The following FREM3 variants were observed in gnomAD, a reference collection of about 807,000 sequenced individuals.
The protein encoded by FREM3 is FRAS1-related extracellular matrix protein 3.
In FREM3, 105 loss-of-function variants were observed where a neutral mutation model predicts 129.1. That is an observed-to-expected ratio of 0.81 (90% CI 0.69 to 0.96). The LOEUF (loss-of-function observed/expected upper bound fraction) is 0.96, where lower values mean the gene tolerates loss of function less well. Ranked by LOEUF, FREM3 falls within the 40% of genes least tolerant of loss-of-function variation. The pLI is 0.00. For synonymous variants in FREM3, 1,014 were observed against 1,044.9 expected (o/e 0.97, Z 0.57); for missense variants, 2,593 against 2,666.3 (o/e 0.97, Z 0.61).
At chr4:143,654,823 T>TA (rs5862645) in intron 2 of FREM3, among the ~76,000 whole-genome samples, 81,275 of 152,040 alleles carry the variant, frequency 0.53, 22,864 homozygotes, top group East Asian at 0.71. Flanking sequence ...CAATGACTCT[T>TA]AAACTGTATT....
intron 3 of FREM3, among the ~76,000 whole-genome samples, chr4:143,625,134 A>G (rs1016690724): frequency 2.0e-5 from 3 of 152,202 alleles, no homozygotes; most frequent in East Asian, 3.9e-4. Flanking sequence ...GTGAGATACA[A>G]TGGTGAAAAG....
At chr4:143,580,607 A>C (rs1276529852) in intron 7 of FREM3, among the ~76,000 whole-genome samples, 1 of 152,132 alleles carries the variant, frequency 6.6e-6, no homozygotes, top group Non-Finnish European at 1.5e-5. Flanking sequence ...CACAGAGCTG[A>C]AGAGCAGATG....
intron 2 of FREM3, among the ~76,000 whole-genome samples, chr4:143,642,845 G>A (rs1037240870): frequency 8.5e-5 from 13 of 152,066 alleles, no homozygotes; most frequent in Admixed American, 2.6e-4. Context: ...CACAATGGTA[G>A]GAAGTGTTTG....
chr4:143,584,206 G>A (rs1354950389), intron 7 of FREM3, among the ~76,000 whole-genome samples: 1 of 151,888 alleles, frequency 6.6e-6, no homozygotes, highest in Non-Finnish European at 1.5e-5. Context: ...TCAGGAGATC[G>A]AGACCATCCT....
intron 6 of FREM3, among the ~76,000 whole-genome samples, chr4:143,587,926 G>A (rs1019258619): frequency 2.6e-5 from 4 of 152,154 alleles, no homozygotes; most frequent in African/African-American, 9.7e-5. Flanking sequence ...AGTTCATTCT[G>A]GCTCACTCTT....
At chr4:143,680,862 C>T (rs1740236417) in intron 2 of FREM3, among the ~76,000 whole-genome samples, 1 of 152,084 alleles carries the variant, frequency 6.6e-6, no homozygotes, top group African/African-American at 2.4e-5. Flanking sequence ...ATCACTGTCA[C>T]TGTCCTGATA....
Position 143,647,987 on chromosome 4 carries a change from G to T in FREM3, c.5276-20227C>A, listed in dbSNP as rs537901859. ...CACTCAATGCCAACCCATGAAAGCA[G>T]CTGGAAAGGGGGCTGTATCCTGCAA... On this transcript the variant is annotated intron_variant, in intron 2 of 7. Coordinates refer to ENST00000329798, the MANE Select transcript of FREM3 (RefSeq NM_001168235.2). Among the ~76,000 whole-genome samples the T allele has an allele frequency of 1.4e-4, 21 of 152,354 alleles. No individual in the cohort carries two copies. In the South Asian group the frequency reaches 3.1e-3, roughly 23 times the overall value.
chr4:143,579,828 A>G (rs983666266), intron 7 of FREM3, among the ~76,000 whole-genome samples: 1 of 152,240 alleles, frequency 6.6e-6, no homozygotes, highest in African/African-American at 2.4e-5. Context: ...TAGGTTCAAT[A>G]GATTATCAAG....
Position 143,696,472 on chromosome 4 carries a change from C to G in FREM3, c.4204G>C (p.Asp1402His), listed in dbSNP as rs1416639645. 1.3e-6 allele frequency: 2 copies of G among 1,537,674 alleles called. No individual in the cohort carries two copies. The highest frequency in any genetic ancestry group is 2.4e-5 in the South Asian group (2 of 84,038). ...QEGIVDIIKF[D>H]VTDGVNTLTD... ...AAAGTGTTAACCCCATCAGTAACAT[C>G]AAACTTGATAATGTCAACAATCCCT... Residue 1402 changes from aspartate to histidine, a missense_variant, in exon 1 of 8, where the codon GAT becomes CAT. Coordinates refer to ENST00000329798, the MANE Select transcript of FREM3 (RefSeq NM_001168235.2).
In FREM3 at chr4:143,611,401, A is replaced by G; in HGVS notation, c.5906T>C (p.Ile1969Thr). The G allele has an allele frequency of 6.5e-7, 1 of 1,537,212 alleles. No individual in the cohort carries two copies. Among genetic ancestry groups the G allele is most frequent in the African/African-American group, 1.4e-5 (1 of 73,156 alleles). ...CTCCTCTTCATAAAGGGAGTCATCA[A>G]TGATCAGGACCTGGCAGGTCTTCTG... is the stretch of plus-strand genomic sequence containing the variant. ...ETQKTCQVLIIDDSLYEEEES... is the reference protein window; with the variant it reads ...ETQKTCQVLITDDSLYEEEES... Residue 1969 changes from isoleucine to threonine, a missense_variant, in exon 6 of 8, where the codon ATT becomes ACT. By Grantham distance (89) the Ile-to-Thr change is moderately conservative. Around this residue, in one of 2 missense-constraint regions of FREM3, gnomAD observed 317 missense variants for 399.0 expected, o/e 0.79. Transcript: ENST00000329798.
At position 143,700,044 on chromosome 4, in the gene FREM3, G is replaced by A. The variant is rs1259652717; in HGVS notation, c.632C>T (p.Thr211Ile). The A allele has an allele frequency of 2.6e-6, 4 of 1,519,322 alleles. No individual in the cohort carries two copies. The highest frequency in any genetic ancestry group is 2.7e-5 in the African/African-American group (2 of 72,750). 94.1% of individuals were successfully genotyped at this position (1,519,322 alleles called of 1,614,324 possible). Residue 211 changes from threonine (T) to isoleucine (I), a missense_variant, in exon 1 of 8, where the codon ACC becomes ATC. Around this residue, in one of 2 missense-constraint regions of FREM3, gnomAD observed 2,276 missense variants for 2,267.2 expected, o/e 1.00. Transcript: ENST00000329798. ...GATATRRCRL[T>I]PLPHEDGPLP... Reference sequence around the variant, plus strand: ...GGGGCCGTCCTCGTGAGGAAGTGGGGTAAGCCGGCACCTGCGGGTGGCCGT... The same window carrying A: ...GGGGCCGTCCTCGTGAGGAAGTGGGATAAGCCGGCACCTGCGGGTGGCCGT...
chr4:143,697,725 A>G lies in FREM3; in HGVS notation c.2951T>C (p.Leu984Pro), dbSNP rs1339580853. The G allele has an allele frequency of 6.5e-7, 1 of 1,537,598 alleles. No individual in the cohort carries two copies. Among genetic ancestry groups the G allele is most frequent in the Non-Finnish European group, 8.7e-7 (1 of 1,147,022 alleles). The stretch of plus-strand genomic sequence containing the variant: ...GGGGCTGTCCTTTACAATGAAAGAC[A>G]GCATCAAGTCACCTACATCCTTCCT... ...GKRKDVGDLM[L>P]SFIVKDSPKL... Residue 984 changes from leucine to proline, a missense_variant, in exon 1 of 8, where the codon CTG (leucine) becomes CCG (proline). Physicochemically the swap from Leu to Pro is moderately conservative, Grantham distance 98. Coordinates refer to ENST00000329798, the MANE Select transcript of FREM3 (RefSeq NM_001168235.2).
intron 2 of FREM3, among the ~76,000 whole-genome samples, chr4:143,648,974 G>T (rs1739466687): frequency 6.6e-6 from 1 of 152,062 alleles, no homozygotes; most frequent in Admixed American, 6.5e-5. Context: ...ATGTTGCCTA[G>T]GCTGGTCTCA....
chr4:143,639,507 A>G (rs1332742626), intron 2 of FREM3, among the ~76,000 whole-genome samples: 1 of 152,154 alleles, frequency 6.6e-6, no homozygotes, highest in Non-Finnish European at 1.5e-5. Context: ...ACGTTCTGTG[A>G]TTCTTTCTGC....
intron 2 of FREM3, among the ~76,000 whole-genome samples, chr4:143,632,101 C>T (rs761291315): frequency 6.6e-6 from 1 of 152,084 alleles, no homozygotes; most frequent in African/African-American, 2.4e-5. Flanking sequence ...TGAAAAGTTA[C>T]AATTAATTAA....
chr4:143,679,179 C>G (rs1035123436), intron 2 of FREM3, among the ~76,000 whole-genome samples: 1 of 152,140 alleles, frequency 6.6e-6, no homozygotes, highest in African/African-American at 2.4e-5. Context: ...AAAAATACCA[C>G]TAAATTCAGG....
rs983744236 is a variant in FREM3, at chr4:143,621,156, G to C, written c.5660C>G (p.Thr1887Arg). ...VEIVDPGDES[T>R]VYIPEAEYKI... ...GTATTCCGCCTCTGGAATATAAACT[G>C]TTGATTCTAGAAAAGATGGCAGAAG... The change falls in exon 5 of 8, where the codon ACA becomes AGA. Residue 1887 changes from threonine (T) to arginine (R), a missense_variant. Thr to Arg is a moderately conservative substitution (Grantham distance 71). Around this residue, in one of 2 missense-constraint regions of FREM3, gnomAD observed 317 missense variants for 399.0 expected, o/e 0.79. Transcript: ENST00000329798. 2.6e-6 allele frequency: 4 copies of C among 1,536,818 alleles called. No individual in the cohort carries two copies. The African/African-American group carries it at 5.5e-5, about 21-fold the overall frequency.
chr4:143,607,310 TTCTC>T (rs1738684112), intron 6 of FREM3, among the ~76,000 whole-genome samples: 1 of 152,154 alleles, frequency 6.6e-6, no homozygotes. Context: ...TGTCCTTCCT[TTCTC>T]TATCCTCAAG....
intron 7 of FREM3, among the ~76,000 whole-genome samples, chr4:143,583,226 AG>A (rs777417956): frequency 2.0e-4 from 31 of 152,202 alleles, no homozygotes; most frequent in Non-Finnish European, 3.8e-4. Context: ...CATAGCAAAA[AG>A]GTTCTCTGAA....
Sources: gnomAD v4.1 joint callset for allele counts (sites outside exome capture counted in the v4.1 genomes callset) on GRCh38, gnomAD v4.1.1 for gene constraint, gnomAD v4.1.1 regional missense constraint, MANE v1.5 for transcripts, NCBI Gene and HGNC (gene_info 2026-07-23, HGNC 2026-07-21) for gene names.